Variants in PDHA1 observed in about 807,000 individuals in gnomAD.
The protein encoded by PDHA1 is pyruvate dehydrogenase E1 component subunit alpha, somatic form, mitochondrial.
PDHA1 carries 1 observed loss-of-function variant against 33.0 expected under a neutral mutation model. That is an observed-to-expected ratio of 0.03 (90% confidence interval 0.01 to 0.14). The LOEUF is 0.14. Among genes scored for constraint, PDHA1 ranks in the 10% least tolerant of loss-of-function variants. The pLI is 1.00. For missense variants in PDHA1, 168 were observed against 325.1 expected, an observed-to-expected ratio of 0.52 and a Z score of 3.72; for synonymous variants, 123 against 119.2, an observed-to-expected ratio of 1.03 and a Z score of -0.21.
At chrX:19,358,594 T>TA (rs1327175282) in intron 9 of PDHA1, among the ~76,000 whole-genome samples, 1 of 111,546 alleles carries the variant, frequency 9.0e-6, no homozygotes, top group East Asian at 2.8e-4. Flanking sequence ...ACCTTACATC[T>TA]AAATCAAAGC....
In PDHA1 at chrX:19,359,861, G is replaced by A; in HGVS notation, c.*208G>A. 4 of 457,291 alleles carry A rather than the reference G, an allele frequency of 8.7e-6. No individual in the cohort carries two copies. Among genetic ancestry groups the A allele is most frequent in the Non-Finnish European group, 1.5e-5 (4 of 258,113 alleles). The allele number at this position is 457,291 out of a possible 1,213,427, so 37.7% of individuals were successfully genotyped here. The stretch of plus-strand genomic sequence containing the variant: ...TATTGAGTGCTTAAAGATTATTTTT[G>A]ACTTAAAATAGTATACTTTGAACAA... On this transcript the variant is annotated 3_prime_UTR_variant, in exon 11 of 11. Coordinates refer to ENST00000422285, the MANE Select transcript of PDHA1 (RefSeq NM_000284.4).
chrX:19,344,342 CT>C (rs753360199), intron 1 of PDHA1, among the ~76,000 whole-genome samples: 107 of 113,583 alleles, frequency 9.4e-4, no homozygotes, highest in South Asian at 3.5e-3. Flanking sequence ...CCGGGCCCAG[CT>C]GTGCGCCAGG....
rs749319044 is a variant in PDHA1 at position 19,354,544 on chromosome X, G to T, written c.564G>T (p.Glu188Asp). The T allele has an allele frequency of 4.9e-5, 59 of 1,197,977 alleles. No homozygotes were observed. The highest frequency in any genetic ancestry group is 6.0e-5 in the Non-Finnish European group (53 of 884,339). The change falls in exon 6 of 11, where the codon GAG becomes GAT. Residue 188 changes from glutamate (E) to aspartate (D), a missense_variant. Glu to Asp is a conservative substitution (Grantham distance 45). This residue lies in a region of PDHA1 where 35 missense variants were observed against 148.5 expected (regional missense o/e 0.24). Coordinates refer to ENST00000422285, the MANE Select transcript of PDHA1 (RefSeq NM_000284.4). ...ALACKYNGKD[E>D]VCLTLYGDGA... ...CCTGTAAGTATAATGGAAAAGATGA[G>T]GTCTGCCTGACTTTATATGGCGATG... is the stretch of plus-strand genomic sequence containing the variant.
intron 1 of PDHA1, among the ~76,000 whole-genome samples, chrX:19,346,938 T>C (rs2063138489): frequency 8.9e-6 from 1 of 112,225 alleles, no homozygotes; most frequent in Non-Finnish European, 1.9e-5. Context: ...GAATGGTTCC[T>C]ATGTATTTAG....
intron 8 of PDHA1, chrX:19,357,394 C>T: frequency 2.6e-6 from 1 of 381,166 alleles, no homozygotes; most frequent in East Asian, 4.8e-5. Flanking sequence ...CCATGCCTGG[C>T]CTTCAAAGCC....
chrX:19,359,384 TTGTAG>T, intron 10 of PDHA1, 100 bp from the exon 11 acceptor site: 1 of 639,913 alleles, frequency 1.6e-6, no homozygotes, highest in Non-Finnish European at 2.6e-6. Flanking sequence ...CTGTTCGTAC[TTGTAG>T]TTAAAGAGTT....
At position 19,361,029 on chromosome X, in the gene PDHA1, C is replaced by T. The variant is rs963546680; in HGVS notation, c.*1376C>T. On this transcript the variant is annotated 3_prime_UTR_variant, in exon 11 of 11. Coordinates refer to ENST00000422285, the MANE Select transcript of PDHA1 (RefSeq NM_000284.4). ...AGAGAGCTGGCTATTTCAAATGACT[C>T]GGGAACAAGAAGGCAGGCTGCAGTT... 15 of 420,406 alleles carry T rather than the reference C, an allele frequency of 3.6e-5. No individual in the cohort carries two copies. Among genetic ancestry groups the T allele is most frequent in the Non-Finnish European group, 5.7e-5 (14 of 245,833 alleles). The allele number at this position is 420,406 out of a possible 1,213,427, so 34.6% of individuals were successfully genotyped here. A position where few individuals can be genotyped will look rare whatever the true frequency, so the allele number is the denominator to read the frequency against.
At position 19,345,752 on chromosome X, in the gene PDHA1, C is replaced by G. The variant is rs764903047; in HGVS notation, c.57+1658C>G. 45 of 261,776 alleles carry G rather than the reference C, an allele frequency of 1.7e-4. No homozygotes were observed. Among genetic ancestry groups the G allele is most frequent in the Middle Eastern group, 5.0e-4 (1 of 1,981 alleles). The allele number at this position is 261,776 out of a possible 1,213,427, so 21.6% of individuals were successfully genotyped here. A position where few individuals can be genotyped will look rare whatever the true frequency, so the allele number is the denominator to read the frequency against. On this transcript the variant is annotated intron_variant, in intron 1 of 10. Coordinates refer to ENST00000422285, the MANE Select transcript of PDHA1 (RefSeq NM_000284.4). ...CTGTATCAGTTTGCAGGGTCCCCCC[C>G]CCCCCGCCACCTTACAGTAGGAAGA...
chrX:19,351,139 G>A, intron 3 of PDHA1, 142 bp from the exon 4 acceptor site: 1 of 594,582 alleles, frequency 1.7e-6, no homozygotes, highest in South Asian at 2.8e-5. Flanking sequence ...CTTCCACTCT[G>A]TATTTTGGTG....
At chrX:19,349,427 G>T in intron 2 of PDHA1, 56 bp downstream of exon 2, 1 of 695,722 alleles carries the variant, frequency 1.4e-6, no homozygotes, top group Non-Finnish European at 2.3e-6. Context: ...CTGATATACA[G>T]TTTTACCTTT....
chrX:19,353,170 G>T lies in PDHA1; in HGVS notation c.507G>T (p.Ala169=). 1.7e-6 allele frequency: 2 copies of T among 1,192,992 alleles called. No homozygotes were observed. The highest frequency in any genetic ancestry group is 2.3e-6 in the Non-Finnish European group (2 of 878,308). ...NFYGGNGIVG[A]QVPLGAGIAL... is the part of the protein sequence containing the mutation. ...ACGGGGGCAATGGCATCGTGGGAGC[G>T]CAGGTAGTCAAGGACGAGGATTGTG... The change falls in exon 5 of 11, where the codon GCG becomes GCT. Residue 169 remains alanine (A), a synonymous_variant. Coordinates refer to ENST00000422285, the MANE Select transcript of PDHA1 (RefSeq NM_000284.4).
At chrX:19,353,387 A>G (rs2063175478) in intron 5 of PDHA1, 8 of 450,803 alleles carry the variant, frequency 1.8e-5, no homozygotes, top group Admixed American at 7.0e-5. Flanking sequence ...GTGGCACAAC[A>G]CATTACCTTT....
At chrX:19,349,399 T>C in intron 2 of PDHA1, 28 bp downstream of exon 2, 2 of 908,059 alleles carry the variant, frequency 2.2e-6, no homozygotes, top group Non-Finnish European at 3.2e-6. Flanking sequence ...TTGTTAATAA[T>C]TTTTTCACAG....
intron 8 of PDHA1, among the ~76,000 whole-genome samples, chrX:19,356,627 A>G (rs1003264043): frequency 1.8e-5 from 2 of 111,892 alleles, no homozygotes; most frequent in Non-Finnish European, 3.8e-5. Context: ...ACCTCTCCCA[A>G]TTCCTGAAAA....
At chrX:19,349,756 C>T (rs942406834) in intron 2 of PDHA1, among the ~76,000 whole-genome samples, 181 bp from the exon 3 acceptor site, 4 of 111,892 alleles carry the variant, frequency 3.6e-5, no homozygotes, top group Non-Finnish European at 7.5e-5. Context: ...CCCCAAGCCC[C>T]ATCTCATTGC....
At chrX:19,356,546 A>G (rs759956054) in intron 8 of PDHA1, among the ~76,000 whole-genome samples, 1 of 111,826 alleles carries the variant, frequency 8.9e-6, no homozygotes, top group African/African-American at 3.2e-5. Context: ...CTTGGGTACA[A>G]TGGGCTGAGC....
At position 19,360,131 on chromosome X, in the gene PDHA1, A is replaced by G. The variant is rs1229165470; in HGVS notation, c.*478A>G. 2 of 152,896 alleles carry G rather than the reference A, an allele frequency of 1.3e-5. No individual in the cohort carries two copies. The highest frequency in any genetic ancestry group is 2.5e-5 in the Non-Finnish European group (2 of 79,033). The allele number at this position is 152,896 out of a possible 1,213,427, so 12.6% of individuals were successfully genotyped here. A position where few individuals can be genotyped will look rare whatever the true frequency, so the allele number is the denominator to read the frequency against. Reference sequence around the variant, plus strand: ...AAATAAGACTTTTGTAATCATTCCAATTTTGTAATCATTTCAAAGGCCACA... The same window carrying G: ...AAATAAGACTTTTGTAATCATTCCAGTTTTGTAATCATTTCAAAGGCCACA... On this transcript the variant is annotated 3_prime_UTR_variant, in exon 11 of 11. Coordinates refer to ENST00000422285, the MANE Select transcript of PDHA1 (RefSeq NM_000284.4).
At position 19,357,669 on chromosome X, in the gene PDHA1, G is replaced by A. The variant is rs768957853; in HGVS notation, c.849G>A (p.Glu283=). 8.3e-7 allele frequency: 1 copy of A among 1,210,162 alleles called. No homozygotes were observed. The highest frequency in any genetic ancestry group is 1.8e-5 in the South Asian group (1 of 56,963). The part of the protein sequence containing the change: ...CRSGKGPILM[E]LQTYRYHGHS... ...TGTTTTAGGGGCCCATCCTGATGGAGCTGCAGACTTACCGTTACCACGGAC... is the reference window on the plus strand; with the variant it reads ...TGTTTTAGGGGCCCATCCTGATGGAACTGCAGACTTACCGTTACCACGGAC... Residue 283 remains glutamate (E), a synonymous_variant, in exon 9 of 11, where the codon GAG becomes GAA. Transcript: ENST00000422285.
intron 1 of PDHA1, among the ~76,000 whole-genome samples, chrX:19,344,917 A>G (rs2063120850): frequency 9.0e-6 from 1 of 111,661 alleles, no homozygotes; most frequent in Admixed American, 9.5e-5. Flanking sequence ...CTCTCCCTCA[A>G]CATCTGAGCT....
Sources: allele counts gnomAD v4.1 joint callset (sites outside exome capture counted in the v4.1 genomes callset), GRCh38; gene constraint gnomAD v4.1.1; regional missense constraint gnomAD v4.1.1; transcripts MANE v1.5; gene names NCBI Gene and HGNC (gene_info 2026-07-23, HGNC 2026-07-21).